Variants in VCPIP1 observed in about 807,000 individuals in gnomAD.
The protein encoded by VCPIP1 is valosin containing protein interacting protein 1.
A neutral mutation model predicts 85.0 loss-of-function variants in VCPIP1; 8 were observed. The ratio of observed to expected loss-of-function variants is 0.09; its 90% confidence interval spans 0.06 to 0.17. The LOEUF is 0.17. Ranked by LOEUF, VCPIP1 falls within the 10% of genes least tolerant of loss-of-function variation. VCPIP1 has a pLI of 1.00. For synonymous variants in VCPIP1, 543 were observed against 544.5 expected (o/e 1.00, Z 0.04); for missense variants, 1,070 against 1,486.3 (o/e 0.72, Z 4.61).
At chr8:66,647,457 A>G (rs1180055772) in intron 2 of VCPIP1, among the ~76,000 whole-genome samples, 1 of 152,056 alleles carries the variant, frequency 6.6e-6, no homozygotes, top group Admixed American at 6.6e-5. Context: ...AGAAAAAAAG[A>G]TGGAGGACTC....
At chr8:66,658,970 G>T (rs1040897646) in intron 1 of VCPIP1, among the ~76,000 whole-genome samples, 1 of 152,114 alleles carries the variant, frequency 6.6e-6, no homozygotes, top group Non-Finnish European at 1.5e-5. Flanking sequence ...AGTAAAGCAA[G>T]GAAGTGTCAT....
chr8:66,648,292 T>C (rs1451232705), intron 2 of VCPIP1, among the ~76,000 whole-genome samples: 6 of 152,236 alleles, frequency 3.9e-5, no homozygotes, highest in African/African-American at 1.4e-4. Flanking sequence ...TTGTGCACCA[T>C]ATGGTTTCTT....
chr8:66,645,862 C>A (rs925586465), intron 2 of VCPIP1, among the ~76,000 whole-genome samples: 2 of 151,708 alleles, frequency 1.3e-5, no homozygotes, highest in Admixed American at 1.3e-4. Flanking sequence ...CCAGGTAGGT[C>A]AACGATGCAG....
Position 66,634,436 on chromosome 8 carries a change from T to C in VCPIP1, c.*65A>G. ...ATTTTTAATGACTAATCAAGTTACGTGGCCCAGCCAACAAATATTACATAT... is the reference window on the plus strand; with the variant it reads ...ATTTTTAATGACTAATCAAGTTACGCGGCCCAGCCAACAAATATTACATAT... On this transcript the variant is annotated 3_prime_UTR_variant, in exon 3 of 3. Transcript: ENST00000310421. 6.6e-7 allele frequency: 1 copy of C among 1,506,680 alleles called. No homozygotes were observed. Among genetic ancestry groups the C allele is most frequent in the Non-Finnish European group, 8.9e-7 (1 of 1,126,988 alleles). 93.3% of individuals were successfully genotyped at this position (1,506,680 alleles called of 1,614,324 possible).
chr8:66,654,621 G>A (rs1381084991), intron 1 of VCPIP1, among the ~76,000 whole-genome samples: 1 of 152,208 alleles, frequency 6.6e-6, no homozygotes, highest in Non-Finnish European at 1.5e-5. Flanking sequence ...GGTCATGTTT[G>A]TTGGTACCAA....
chr8:66,651,139 C>T (rs1811049605), intron 2 of VCPIP1, among the ~76,000 whole-genome samples: 1 of 147,614 alleles, frequency 6.8e-6, no homozygotes, highest in Non-Finnish European at 1.5e-5. Context: ...GAGCCGAGAT[C>T]GCGCCATTGC....
chr8:66,641,484 C>T (rs1810947580), intron 2 of VCPIP1, among the ~76,000 whole-genome samples: 1 of 152,156 alleles, frequency 6.6e-6, no homozygotes, highest in Non-Finnish European at 1.5e-5. Flanking sequence ...ACCTCAGCCT[C>T]CCAGTGCTGG....
intron 2 of VCPIP1, among the ~76,000 whole-genome samples, chr8:66,650,812 A>G (rs1482177612): frequency 7.0e-6 from 1 of 142,706 alleles, no homozygotes; most frequent in African/African-American, 2.6e-5. Context: ...GTGAGCCAAG[A>G]TAGCGCCATC....
At chr8:66,651,587 A>G in intron 1 of VCPIP1, 43 bp from the exon 2 acceptor site, 1 of 1,530,600 alleles carries the variant, frequency 6.5e-7, no homozygotes. Context: ...CAAACAAAAG[A>G]GTTCCATCCA....
At position 66,666,050 on chromosome 8, in the gene VCPIP1, A is replaced by G; in HGVS notation, c.909T>C (p.Ile303=). 3.1e-6 allele frequency: 5 copies of G among 1,614,174 alleles called. No individual in the cohort carries two copies. The highest frequency in any genetic ancestry group is 4.2e-6 in the Non-Finnish European group (5 of 1,180,040). ...TGCCACTGAGGGAATCTAACAGAAT[A>G]ATAGGACGATGTAGCACATTGGCAA... ...FGLANVLHRP[I]ILLDSLSGMR... The change falls in exon 1 of 3, where the codon ATT becomes ATC. Residue 303 remains isoleucine, a synonymous_variant. Coordinates refer to ENST00000310421, the MANE Select transcript of VCPIP1 (RefSeq NM_025054.5). The surrounding 1 kb of genome is among the most constrained non-coding windows in gnomAD (Gnocchi z 6.3).
rs1811225357 is a variant in VCPIP1 at position 66,667,031 on chromosome 8, C to T, written c.-73G>A. 1 of 1,442,102 alleles carries T rather than the reference C, an allele frequency of 6.9e-7. No individual in the cohort carries two copies. The highest frequency in any genetic ancestry group is 1.4e-5 in the African/African-American group (1 of 69,674). 89.3% of individuals were successfully genotyped at this position (1,442,102 alleles called of 1,614,324 possible). On this transcript the variant is annotated 5_prime_UTR_variant, in exon 1 of 3. Transcript: ENST00000310421. ...AGCTCATAGCCCAGACCCCCACCAA[C>T]CCGACTCGGTCCAGTCCAGGCCCAG... is the stretch of plus-strand genomic sequence containing the variant.
intron 2 of VCPIP1, among the ~76,000 whole-genome samples, chr8:66,644,245 T>C (rs1033821301): frequency 2.0e-5 from 3 of 152,180 alleles, no homozygotes; most frequent in Non-Finnish European, 4.4e-5. Context: ...TCAGTGCTAT[T>C]TTATGAAGCC....
intron 1 of VCPIP1, among the ~76,000 whole-genome samples, chr8:66,655,881 G>A (rs899086130): frequency 3.3e-5 from 5 of 151,852 alleles, no homozygotes; most frequent in African/African-American, 4.8e-5. Flanking sequence ...CCAATGTACT[G>A]TGTATATATA....
chr8:66,640,083 T>C (rs1433936965), intron 2 of VCPIP1, among the ~76,000 whole-genome samples: 1 of 152,034 alleles, frequency 6.6e-6, no homozygotes, highest in African/African-American at 2.4e-5. Context: ...ACCCCGAACT[T>C]AAAAATAATA....
intron 2 of VCPIP1, among the ~76,000 whole-genome samples, chr8:66,639,423 C>T (rs1253865452): frequency 7.7e-6 from 1 of 130,666 alleles, no homozygotes; most frequent in Non-Finnish European, 1.5e-5. Context: ...GGTGCGATCT[C>T]GGCTCACTGC....
In VCPIP1 at chr8:66,665,562, A is replaced by G; in HGVS notation, c.1397T>C (p.Leu466Pro). ...GGCACCACAGAGCAAACATTTGTGA[A>G]GGCGATTATCCATTACTGCTTTTTT... ...AAKKAVMDNR[L>P]HKCLLCGALS... Residue 466 changes from leucine (L) to proline (P), a missense_variant, in exon 1 of 3, where the codon CTT (leucine) becomes CCT (proline). By Grantham distance (98) the Leu-to-Pro change is moderately conservative. Coordinates refer to ENST00000310421, the MANE Select transcript of VCPIP1 (RefSeq NM_025054.5). This position sits in a 1 kb window ranked among gnomAD's most constrained non-coding sequence, Gnocchi z 4.3. 6.2e-7 allele frequency: 1 copy of G among 1,614,214 alleles called. No individual in the cohort carries two copies. The highest frequency in any genetic ancestry group is 2.2e-5 in the East Asian group (1 of 44,888).
intron 2 of VCPIP1, among the ~76,000 whole-genome samples, chr8:66,647,246 C>A (rs1179206936): frequency 1.3e-5 from 2 of 151,806 alleles, no homozygotes; most frequent in Non-Finnish European, 2.9e-5. Context: ...GAGACTGAGG[C>A]AGGAGAATGG....
Position 66,638,332 on chromosome 8 carries a change from A to T in VCPIP1, c.2798-2960T>A, listed in dbSNP as rs541955002. ...GAGACCTCACCTCTACAAAAAATTT[A>T]AAAAATTAGCTGGGTGTAGTGGCAT... On this transcript the variant is annotated intron_variant, in intron 2 of 2. Transcript: ENST00000310421. Among the ~76,000 whole-genome samples, 4 of 152,024 alleles carry T rather than the reference A, an allele frequency of 2.6e-5. No homozygotes were observed. In the East Asian group the frequency reaches 5.8e-4, roughly 22 times the overall value.
chr8:66,645,119 GAAA>G (rs1199954255), intron 2 of VCPIP1, among the ~76,000 whole-genome samples: 2 of 56,032 alleles, frequency 3.6e-5, no homozygotes, highest in Admixed American at 2.0e-4. Context: ...CTGTATCCAA[GAAA>G]AAAAAAAAAA....
Sources: allele counts gnomAD v4.1 joint callset (sites outside exome capture counted in the v4.1 genomes callset), GRCh38; gene constraint gnomAD v4.1.1; non-coding constraint Gnocchi (gnomAD v3.1); transcripts MANE v1.5; gene names NCBI Gene and HGNC (gene_info 2026-07-23, HGNC 2026-07-21).